BAD: variants seen among roughly 807,000 people sequenced by gnomAD.
The protein encoded by BAD is bcl2-associated agonist of cell death.
Under a neutral mutation model 17.8 loss-of-function variants are expected in BAD, and 18 were observed. The observed-to-expected ratio is 1.01, with a 90% CI of 0.70 to 1.50. BAD has a LOEUF of 1.50. BAD is among the 40% of genes most tolerant of loss of function. BAD has a pLI of 0.00. For missense variants in BAD, 294 were observed against 239.3 expected, an observed-to-expected ratio of 1.23 and a Z score of -1.51; for synonymous variants, 112 against 91.5, an observed-to-expected ratio of 1.22 and a Z score of -1.28.
chr11:64,271,858 C>A, intron 2 of BAD, 55 bp from the exon 3 acceptor site: 1 of 1,298,294 alleles, frequency 7.7e-7, no homozygotes, highest in South Asian at 2.2e-5. Flanking sequence ...CTCTAAGCCC[C>A]TGGCCCTGCC....
At chr11:64,284,680 G>C, upstream of BAD, 1 of 1,535,604 alleles carries the variant, frequency 6.5e-7, no homozygotes, top group African/African-American at 1.4e-5. Context: ...CCTCCCTCCA[G>C]CACCCCGGGC....
chr11:64,269,962 C>T lies in BAD; in HGVS notation c.*247G>A, dbSNP rs565081290. ...TAGCGCAGGCGCCTGGGGGAAAGCCCGGAGCCTGAGGGCGGGGCCACGGAG... is the reference window on the plus strand; with the variant it reads ...TAGCGCAGGCGCCTGGGGGAAAGCCTGGAGCCTGAGGGCGGGGCCACGGAG... On this transcript the variant is annotated 3_prime_UTR_variant, in exon 4 of 4. Transcript: ENST00000309032. 2 of 754,898 alleles carry T rather than the reference C, an allele frequency of 2.6e-6. No individual in the cohort carries two copies. The highest frequency in any genetic ancestry group is 4.5e-6 in the Non-Finnish European group (2 of 441,274). The allele number at this position is 754,898 out of a possible 1,614,324, so 46.8% of individuals were successfully genotyped here.
chr11:64,270,204 G>A lies in BAD; in HGVS notation c.*5C>T. The A allele has an allele frequency of 6.2e-7, 1 of 1,613,920 alleles. No homozygotes were observed. Among genetic ancestry groups the A allele is most frequent in the Non-Finnish European group, 8.5e-7 (1 of 1,179,916 alleles). On this transcript the variant is annotated 3_prime_UTR_variant, in exon 4 of 4. Transcript: ENST00000309032. ...CGGGTGGAGTTTCGGGATGTGGAGC[G>A]AAGGTCACTGGGAGGGGGCGGAGCT...
intron 2 of BAD, among the ~76,000 whole-genome samples, chr11:64,283,423 G>A (rs1230598801): frequency 6.6e-6 from 1 of 152,240 alleles, no homozygotes; most frequent in Non-Finnish European, 1.5e-5. Context: ...AGGGGTGCTA[G>A]AGCCTACTGA....
At chr11:64,270,631 C>T in intron 3 of BAD, 1 of 643,234 alleles carries the variant, frequency 1.6e-6, no homozygotes, top group Non-Finnish European at 2.9e-6. Context: ...GATGAGACCG[C>T]AATTCGAGAA....
chr11:64,270,360 A>G, intron 3 of BAD, 23 bp from the exon 4 acceptor site: 1 of 1,528,246 alleles, frequency 6.5e-7, no homozygotes, highest in Non-Finnish European at 8.8e-7. Context: ...GAAAAGGGTT[A>G]CATGAGTTAG....
intron 2 of BAD, among the ~76,000 whole-genome samples, chr11:64,279,876 G>A (rs1255334101): frequency 2.0e-5 from 3 of 151,652 alleles, no homozygotes; most frequent in Non-Finnish European, 4.4e-5. Flanking sequence ...ATCCTACCGG[G>A]TGCTCAAGCC....
At chr11:64,284,685 C>T (rs558907072), upstream of BAD, 17 of 1,535,816 alleles carry the variant, frequency 1.1e-5, no homozygotes, top group South Asian at 2.0e-4. Flanking sequence ...CTCCAGCACC[C>T]CGGGCTCCGG....
In BAD at chr11:64,274,473, G is replaced by C. The variant is rs185265555; in HGVS notation, c.188-2670C>G. Among the ~76,000 whole-genome samples the C allele has an allele frequency of 1.9e-3, 290 of 151,932 alleles. 6 individuals carry two copies. Among genetic ancestry groups the C allele is most frequent in the Non-Finnish European group, 1.9e-4 (13 of 67,990 alleles). On this transcript the variant is annotated intron_variant, in intron 2 of 3. Transcript: ENST00000309032. ...AGGCCAAGGCAGGTGGATCACTTGA[G>C]GCCAGGAGTTCGAGATCAGCCTGAC...
At chr11:64,281,744 A>G (rs2033487364) in intron 2 of BAD, among the ~76,000 whole-genome samples, 3 of 151,888 alleles carry the variant, frequency 2.0e-5, no homozygotes, top group Admixed American at 2.0e-4. Flanking sequence ...TTTTTTTGAG[A>G]TGAGTCTCAC....
rs770156412 is a variant in BAD, at chr11:64,270,375, C to A, written c.379-38G>T. The A allele has an allele frequency of 4.0e-6, 6 of 1,515,354 alleles. No individual in the cohort carries two copies. The East Asian group carries it at 1.4e-4, about 35-fold the overall frequency. The allele number at this position is 1,515,354 out of a possible 1,614,324, so 93.9% of individuals were successfully genotyped here. On this transcript the variant is annotated intron_variant, in intron 3 of 3. Transcript: ENST00000309032. ...GAAAAGGGTTACATGAGTTAGATTA[C>A]CATGGCAGCTCGAGCCAGGCTCTCC...
chr11:64,270,118 G>C lies in BAD; in HGVS notation c.*91C>G. ...AGGAGACAGCACGGATCCTCTTTTT[G>C]CATAGGCCTGAGGGAAGTACTTCCG... On this transcript the variant is annotated 3_prime_UTR_variant, in exon 4 of 4. Coordinates refer to ENST00000309032, the MANE Select transcript of BAD (RefSeq NM_032989.3). 1 of 1,584,798 alleles carries C rather than the reference G, an allele frequency of 6.3e-7. No individual in the cohort carries two copies. Among genetic ancestry groups the C allele is most frequent in the South Asian group, 1.1e-5 (1 of 88,784 alleles).
intron 2 of BAD, among the ~76,000 whole-genome samples, chr11:64,281,401 C>T (rs1270123584): frequency 1.3e-5 from 2 of 152,246 alleles, no homozygotes; most frequent in Non-Finnish European, 2.9e-5. Flanking sequence ...TCACCACCTC[C>T]CTGGTGACTC....
rs1292317861 is a variant in BAD, at chr11:64,271,602, C to T, written c.378+11G>A. 2 of 1,428,974 alleles carry T rather than the reference C, an allele frequency of 1.4e-6. No homozygotes were observed. The highest frequency in any genetic ancestry group is 1.5e-5 in the African/African-American group (1 of 67,924). The allele number at this position is 1,428,974 out of a possible 1,614,324, so 88.5% of individuals were successfully genotyped here. On this transcript the variant is annotated intron_variant, in intron 3 of 3. Transcript: ENST00000309032. ...ACTTCAGGTCCTGGCACGCTGGGGA[C>T]TGGCGCTCACCTTAAAGGAGTCCAC...
intron 2 of BAD, among the ~76,000 whole-genome samples, chr11:64,283,473 G>T (rs1356193647): frequency 6.6e-6 from 1 of 152,214 alleles, no homozygotes. Context: ...CTTCCATCTT[G>T]GAGCCTGTGC....
At chr11:64,276,326 A>G (rs994163558) in intron 2 of BAD, 1 of 53,794 alleles carries the variant, frequency 1.9e-5, no homozygotes, top group Non-Finnish European at 4.5e-5. Flanking sequence ...ATATATATAT[A>G]TATGTATTTT....
chr11:64,272,631 T>G (rs2135097152), intron 2 of BAD: 1 of 152,312 alleles, frequency 6.6e-6, no homozygotes, highest in African/African-American at 2.4e-5. Context: ...GGCCGAGACA[T>G]TCCCTTATTA....
At chr11:64,280,298 C>T (rs551135775) in intron 2 of BAD, among the ~76,000 whole-genome samples, 11 of 143,660 alleles carry the variant, frequency 7.7e-5, no homozygotes, top group South Asian at 2.3e-4. Context: ...CCAGCCTGGG[C>T]GACAGAGCAA....
intron 2 of BAD, among the ~76,000 whole-genome samples, chr11:64,274,343 C>T (rs1176461780): frequency 4.0e-5 from 6 of 151,016 alleles, no homozygotes; most frequent in South Asian, 2.1e-4. Context: ...GCTGAGATCA[C>T]GCCACTGCAC....
Sources: gnomAD v4.1 joint callset for allele counts (sites outside exome capture counted in the v4.1 genomes callset) on GRCh38, gnomAD v4.1.1 for gene constraint, MANE v1.5 for transcripts, NCBI Gene and HGNC (gene_info 2026-07-23, HGNC 2026-07-21) for gene names.